Variants in P2RX5 observed in about 807,000 individuals in gnomAD.
P2RX5 encodes P2X purinoceptor 5.
A neutral mutation model predicts 54.1 loss-of-function variants in P2RX5; 46 were observed. The ratio of observed to expected loss-of-function variants is 0.85; its 90% CI spans 0.67 to 1.09. The LOEUF is 1.09. Among genes scored for constraint, P2RX5 ranks in the 50% least tolerant of loss-of-function variants. The pLI is 0.00. For synonymous variants in P2RX5, 226 were observed against 226.4 expected, an observed-to-expected ratio of 1.00 and a Z score of 0.02; for missense variants, 566 against 549.8, an observed-to-expected ratio of 1.03 and a Z score of -0.29.
chr17:3,691,043 G>C lies in P2RX5; in HGVS notation c.289-16C>G. The C allele has an allele frequency of 6.2e-7, 1 of 1,601,182 alleles. No individual in the cohort carries two copies. The highest frequency in any genetic ancestry group is 8.5e-7 in the Non-Finnish European group (1 of 1,170,082). On this transcript the variant is annotated splice_polypyrimidine_tract_variant and intron_variant, in intron 2 of 11. Coordinates refer to ENST00000225328, the MANE Select transcript of P2RX5 (RefSeq NM_002561.4). ...CGTTCTCTCCCTAAGGAACCAGAGA[G>C]GCACTGAGGAACCTCCTCCTGCCCC...
At chr17:3,717,909 T>G in the P2RX5 span, 1 of 152,252 alleles carries the variant, frequency 6.6e-6, no homozygotes, top group South Asian at 2.1e-4. Flanking sequence ...ACCCTGGGTT[T>G]GGGAAGTGAA....
At chr17:3,677,340 C>G in intron 11 of P2RX5, 1 of 966,680 alleles carries the variant, frequency 1.0e-6, no homozygotes, top group Non-Finnish European at 1.2e-6. Context: ...ATTCCCCGGG[C>G]GTCCCGAGGC....
At chr17:3,709,141 A>T in the P2RX5 span, among the ~76,000 whole-genome samples, 1 of 152,014 alleles carries the variant, frequency 6.6e-6, no homozygotes. Context: ...TAGTAGAGAC[A>T]GGGTGTCACC....
At chr17:3,708,877 C>CA in the P2RX5 span, among the ~76,000 whole-genome samples, 36 of 148,132 alleles carry the variant, frequency 2.4e-4, no homozygotes, top group Admixed American at 1.0e-3. Context: ...CAACCCCCCT[C>CA]AAAAAAAAAA....
At chr17:3,682,063 A>T in intron 9 of P2RX5, 85 bp from the exon 10 acceptor site, 1 of 891,660 alleles carries the variant, frequency 1.1e-6, no homozygotes, top group Non-Finnish European at 1.9e-6. Flanking sequence ...CCATCCTGCA[A>T]CAGCCCCTAA....
chr17:3,698,298 C>T (rs971027873), upstream of P2RX5, among the ~76,000 whole-genome samples: 7 of 152,042 alleles, frequency 4.6e-5, no homozygotes, highest in African/African-American at 7.2e-5. Context: ...TCACAGGAGT[C>T]GCCTGAATTG....
At chr17:3,705,637 C>A in the P2RX5 span, among the ~76,000 whole-genome samples, 4 of 152,130 alleles carry the variant, frequency 2.6e-5, no homozygotes, top group Non-Finnish European at 5.9e-5. Flanking sequence ...AACAGTCTGA[C>A]CACAGGACCT....
At chr17:3,716,759 A>G in the P2RX5 span, 8 of 1,608,812 alleles carry the variant, frequency 5.0e-6, no homozygotes, top group Non-Finnish European at 6.8e-6. Context: ...ATGATAGGCA[A>G]AGAATGGTAC....
intron 11 of P2RX5, chr17:3,676,341 A>G (rs2050104217): frequency 1.0e-6 from 1 of 985,412 alleles, no homozygotes; most frequent in Non-Finnish European, 1.2e-6. Flanking sequence ...GTGAATGTGT[A>G]AGAAACCACA....
chr17:3,713,989 G>A, the P2RX5 span, among the ~76,000 whole-genome samples: 23 of 151,808 alleles, frequency 1.5e-4, 4 homozygotes, highest in East Asian at 3.9e-4. Flanking sequence ...GTGCAATGGC[G>A]TGATCTTGGC....
chr17:3,713,851 G>C, the P2RX5 span, among the ~76,000 whole-genome samples: 1 of 129,496 alleles, frequency 7.7e-6, no homozygotes, highest in Non-Finnish European at 1.9e-5. Flanking sequence ...AACTTAACCT[G>C]TATGTTTAAA....
At position 3,680,877 on chromosome 17, in the gene P2RX5, GTCCTCCACCCTGCA is replaced by G. The variant is rs1216003587; in HGVS notation, c.1064+1005_1064+1018del. On this transcript the variant is annotated intron_variant, in intron 10 of 11. Coordinates refer to ENST00000225328, the MANE Select transcript of P2RX5 (RefSeq NM_002561.4). ...CTCCACCCTGAGTCCTCCACCCAGT[GTCCTCCACCCTGCA>G]TCCTCCACCCAGCGTCCTCCACCCT... Among the ~76,000 whole-genome samples, 9 of 103,844 alleles carry G rather than the reference GTCCTCCACCCTGCA, an allele frequency of 8.7e-5. No homozygotes were observed. The East Asian group carries it at 1.7e-3, about 19-fold the overall frequency. 68.1% of individuals were successfully genotyped at this position (103,844 alleles called of 152,430 possible).
At chr17:3,695,702 C>T (rs559856508) in intron 1 of P2RX5, among the ~76,000 whole-genome samples, 167 bp downstream of exon 1, 49 of 152,278 alleles carry the variant, frequency 3.2e-4, no homozygotes, top group Admixed American at 5.9e-4. Flanking sequence ...CCTACTCCTA[C>T]ACCCAAGGAC....
At chr17:3,699,846 A>G (rs150660057), upstream of P2RX5, among the ~76,000 whole-genome samples, 1,298 of 114,744 alleles carry the variant, frequency 0.011, 48 homozygotes, top group Middle Eastern at 0.024. Flanking sequence ...GAGAGAAAGA[A>G]AAAGAAAAAA....
At chr17:3,680,298 AGTGTCCTCCACCCT>A (rs2050221805) in intron 10 of P2RX5, among the ~76,000 whole-genome samples, 3 of 34,772 alleles carry the variant, frequency 8.6e-5, no homozygotes, top group Non-Finnish European at 1.1e-4. Context: ...TCCTCCACCC[AGTGTCCTCCACCCT>A]GCATCCTCCA....
chr17:3,713,938 AT>A, the P2RX5 span, among the ~76,000 whole-genome samples: 4 of 150,546 alleles, frequency 2.7e-5, no homozygotes, highest in Non-Finnish European at 1.5e-5. Context: ...ACAATCGATA[AT>A]TTTTTTTTGA....
At chr17:3,716,679 A>C in the P2RX5 span, 3 of 1,508,598 alleles carry the variant, frequency 2.0e-6, no homozygotes, top group Non-Finnish European at 2.8e-6. Context: ...TGCCATGAGT[A>C]GAACTGACCT....
At chr17:3,708,388 A>C in the P2RX5 span, among the ~76,000 whole-genome samples, 1 of 152,152 alleles carries the variant, frequency 6.6e-6, no homozygotes, top group African/African-American at 2.4e-5. Context: ...AGCAGCTCAG[A>C]AAAAGCTAAT....
intron 1 of P2RX5, among the ~76,000 whole-genome samples, chr17:3,695,467 C>T (rs548243094): frequency 6.6e-6 from 1 of 152,276 alleles, no homozygotes; most frequent in Admixed American, 6.5e-5. Context: ...CTGCCGGCGC[C>T]TGGGTCAGCT....
Sources: allele counts gnomAD v4.1 joint callset (sites outside exome capture counted in the v4.1 genomes callset), GRCh38; gene constraint gnomAD v4.1.1; transcripts MANE v1.5; gene names NCBI Gene and HGNC (gene_info 2026-07-23, HGNC 2026-07-21).